The following FIG4 variants were observed in gnomAD, a reference collection of about 807,000 sequenced individuals.
The protein encoded by FIG4 is FIG4 phosphoinositide 5-phosphatase.
FIG4 carries 112 observed loss-of-function variants against 118.6 expected under a neutral mutation model. That is an observed-to-expected ratio of 0.94 (90% CI 0.81 to 1.11). The LOEUF (loss-of-function observed/expected upper bound fraction) is 1.11. FIG4 is among the 50% of genes least tolerant of loss of function. FIG4 has a pLI of 0.00. For missense variants in FIG4, 969 were observed against 1,111.7 expected (o/e 0.87, Z 1.83); for synonymous variants, 369 against 381.2 (o/e 0.97, Z 0.37).
At chr6:109,757,661 G>A (rs900140763) in intron 10 of FIG4, among the ~76,000 whole-genome samples, 5 of 152,160 alleles carry the variant, frequency 3.3e-5, no homozygotes, top group Non-Finnish European at 7.3e-5. Flanking sequence ...TAGGAAGAGA[G>A]GAAGTCAAAT....
At chr6:109,743,476 C>A in intron 9 of FIG4, 199 bp from the exon 10 acceptor site, 1 of 658,828 alleles carries the variant, frequency 1.5e-6, no homozygotes, top group Non-Finnish European at 2.6e-6. Context: ...TTTTATTTTG[C>A]TTCAGAAATG....
intron 1 of FIG4, among the ~76,000 whole-genome samples, chr6:109,712,732 A>G (rs1284982257): frequency 6.6e-6 from 1 of 152,132 alleles, no homozygotes; most frequent in East Asian, 1.9e-4. Context: ...TATTTCTGTC[A>G]TGTCAGCCAT....
At chr6:109,781,712 C>A (rs772193729) in intron 16 of FIG4, among the ~76,000 whole-genome samples, 4 of 120,318 alleles carry the variant, frequency 3.3e-5, no homozygotes, top group Admixed American at 1.7e-4. Flanking sequence ...GCTTTGCCTA[C>A]TTCCAAAAAA....
intron 17 of FIG4, chr6:109,785,528 A>G (rs1033626301): frequency 9.7e-6 from 3 of 308,186 alleles, no homozygotes; most frequent in South Asian, 3.0e-5. Flanking sequence ...AACATTCTAT[A>G]TTAAAGGAAA....
intron 22 of FIG4, among the ~76,000 whole-genome samples, chr6:109,808,055 A>AT (rs1778615363): frequency 6.6e-6 from 1 of 152,150 alleles, no homozygotes; most frequent in South Asian, 2.1e-4. Context: ...GGCACCTGGA[A>AT]TTTACCCAAC....
Position 109,765,167 on chromosome 6 carries a change from T to G in FIG4, c.1583+6T>G, listed in dbSNP as rs748379737. 1.2e-6 allele frequency: 2 copies of G among 1,613,654 alleles called. No homozygotes were observed. Among genetic ancestry groups the G allele is most frequent in the Non-Finnish European group, 1.7e-6 (2 of 1,179,718 alleles). On this transcript the variant is annotated splice_donor_region_variant and intron_variant, in intron 14 of 22. Coordinates refer to ENST00000230124, the MANE Select transcript of FIG4 (RefSeq NM_014845.6). Reference sequence around the variant, plus strand: ...TTTGATACAGATGCAGTTAGGTAAGTCTTATTTTTTGCTATTTGAATGCTG... The same window carrying G: ...TTTGATACAGATGCAGTTAGGTAAGGCTTATTTTTTGCTATTTGAATGCTG...
At chr6:109,817,166 C>G (rs1417849203) in intron 22 of FIG4, among the ~76,000 whole-genome samples, 3 of 152,132 alleles carry the variant, frequency 2.0e-5, no homozygotes, top group Non-Finnish European at 4.4e-5. Context: ...ACCACCTGTC[C>G]TTTGTTGGCA....
intron 10 of FIG4, among the ~76,000 whole-genome samples, chr6:109,752,091 T>C (rs1162041107): frequency 1.3e-5 from 2 of 150,516 alleles, no homozygotes; most frequent in African/African-American, 2.4e-5. Context: ...ATGCGGTGTT[T>C]GGTTTTTTGT....
chr6:109,722,559 G>A (rs1775643860), intron 3 of FIG4, among the ~76,000 whole-genome samples: 1 of 151,920 alleles, frequency 6.6e-6, no homozygotes, highest in South Asian at 2.1e-4. Context: ...GAAACAAAGG[G>A]AATGTATGTG....
chr6:109,777,250 CATGCA>C (rs1777648619), intron 16 of FIG4, among the ~76,000 whole-genome samples, 190 bp downstream of exon 16: 1 of 152,022 alleles, frequency 6.6e-6, no homozygotes, highest in African/African-American at 2.4e-5. Flanking sequence ...TTGATACAGG[CATGCA>C]ATGGGAAGGA....
At position 109,743,102 on chromosome 6, in the gene FIG4, C is replaced by G. The variant is rs1279902930; in HGVS notation, c.877-8C>G. 2.5e-6 allele frequency: 4 copies of G among 1,610,524 alleles called. No individual in the cohort carries two copies. The South Asian group carries it at 4.4e-5, about 18-fold the overall frequency. On this transcript the variant is annotated splice_region_variant and splice_polypyrimidine_tract_variant and intron_variant, in intron 8 of 22. Transcript: ENST00000230124. ...ATAAAATATTTTTCAATGCACCTTT[C>G]TTTTCAGGGTGATGTTGCAAATGAA... is the stretch of plus-strand genomic sequence containing the variant.
At chr6:109,743,829 C>T (rs1474389685) in intron 10 of FIG4, 57 bp downstream of exon 10, 2 of 1,224,304 alleles carry the variant, frequency 1.6e-6, no homozygotes, top group African/African-American at 3.1e-5. Context: ...AAGCCTCTTC[C>T]TCAACACAGA....
chr6:109,694,524 T>A (rs1774650186), intron 1 of FIG4, among the ~76,000 whole-genome samples: 1 of 152,200 alleles, frequency 6.6e-6, no homozygotes, highest in Admixed American at 6.5e-5. Context: ...GATATTGGTC[T>A]AGGCAAAGAT....
chr6:109,720,246 T>C (rs867165798), intron 3 of FIG4, among the ~76,000 whole-genome samples: 1 of 152,220 alleles, frequency 6.6e-6, no homozygotes, highest in Admixed American at 6.5e-5. Context: ...ATGATTTTTC[T>C]AGTACAAGCT....
intron 4 of FIG4, among the ~76,000 whole-genome samples, chr6:109,732,152 T>C (rs894908984): frequency 6.6e-6 from 1 of 152,328 alleles, no homozygotes; most frequent in African/African-American, 2.4e-5. Flanking sequence ...AAGGTTGAAA[T>C]AGATATTTTA....
At chr6:109,719,336 A>C (rs916679043) in intron 3 of FIG4, among the ~76,000 whole-genome samples, 44 of 151,708 alleles carry the variant, frequency 2.9e-4, no homozygotes, top group African/African-American at 9.9e-4. Flanking sequence ...AGTGAAAATC[A>C]CTTATTGAAC....
rs1333529027 is a variant in FIG4, at chr6:109,792,639, G to A, written c.2434G>A (p.Glu812Lys). 1.3e-6 allele frequency: 2 copies of A among 1,592,038 alleles called. No individual in the cohort carries two copies. The highest frequency in any genetic ancestry group is 1.3e-5 in the African/African-American group (1 of 74,078). ...YGINLSDGLS[E>K]EDFSIYSRFV... The stretch of plus-strand genomic sequence containing the variant: ...AATTAACCTCTCAGATGGCCTCTCA[G>A]AAGAAGATTTCTCCATTTATTCAAG... Residue 812 changes from glutamate (E) to lysine (K), a missense_variant, in exon 21 of 23, where the codon GAA becomes AAA. Coordinates refer to ENST00000230124, the MANE Select transcript of FIG4 (RefSeq NM_014845.6).
rs113357544 is a variant in FIG4, at chr6:109,749,055, CTGTGTGTGTGTGTGTGTG to C, written c.1137+5315_1137+5332del. Among the ~76,000 whole-genome samples, 16 of 132,480 alleles carry C rather than the reference CTGTGTGTGTGTGTGTGTG, an allele frequency of 1.2e-4. No homozygotes were observed. The East Asian group carries it at 1.2e-3, about 10-fold the overall frequency. The allele number at this position is 132,480 out of a possible 152,430, so 86.9% of individuals were successfully genotyped here. On this transcript the variant is annotated intron_variant, in intron 10 of 22. Coordinates refer to ENST00000230124, the MANE Select transcript of FIG4 (RefSeq NM_014845.6). ...CTACATGCATGGGCTCAAAGGAGCTCTGTGTGTGTGTGTGTGTGTGTGTGTGTGTGTGTGTGTGTGTGT... is the reference window on the plus strand; with the variant it reads ...CTACATGCATGGGCTCAAAGGAGCTCTGTGTGTGTGTGTGTGTGTGTGTGT...
chr6:109,720,073 T>C (rs1412084730), intron 3 of FIG4, among the ~76,000 whole-genome samples: 2 of 152,196 alleles, frequency 1.3e-5, no homozygotes, highest in African/African-American at 4.8e-5. Flanking sequence ...AGACTGTGCA[T>C]GTATGGTGAA....
Sources: allele counts gnomAD v4.1 joint callset (sites outside exome capture counted in the v4.1 genomes callset), GRCh38; gene constraint gnomAD v4.1.1; transcripts MANE v1.5; gene names NCBI Gene and HGNC (gene_info 2026-07-23, HGNC 2026-07-21).